The following CATSPERD variants were observed in gnomAD, a reference collection of about 807,000 sequenced individuals.
The protein encoded by CATSPERD is cation channel sperm-associated auxiliary subunit delta.
CATSPERD carries 86 observed loss-of-function variants against 98.1 expected under a neutral mutation model. The observed-to-expected ratio is 0.88, with a 90% confidence interval of 0.74 to 1.05. CATSPERD has a LOEUF of 1.05. CATSPERD is among the 50% of genes least tolerant of loss of function. The pLI is 0.00. For missense variants in CATSPERD, 995 were observed against 1,005.7 expected (o/e 0.99, Z 0.14); for synonymous variants, 394 against 390.2 (o/e 1.01, Z -0.12).
Position 5,727,299 on chromosome 19 carries a change from G to T in CATSPERD, c.158G>T (p.Arg53Leu), listed in dbSNP as rs775178619. ...CTGTATTTTCATCCTACAACAACAC[G>T]CTTGATTAAACATCCTTGCGAGAAA... ...DRLYFHPTTT[R>L]LIKHPCEKNI... is the part of the protein sequence containing the mutation. Residue 53 changes from arginine (R) to leucine (L), a missense_variant, in exon 3 of 22, where the codon CGC becomes CTC. Arg to Leu is a moderately radical substitution (Grantham distance 102). Around this residue, in one of 3 missense-constraint regions of CATSPERD, gnomAD observed 228 missense variants for 209.6 expected, o/e 1.09. Coordinates refer to ENST00000381624, the MANE Select transcript of CATSPERD (RefSeq NM_152784.4). 1.9e-6 allele frequency: 3 copies of T among 1,613,628 alleles called. No individual in the cohort carries two copies. The highest frequency in any genetic ancestry group is 2.5e-6 in the Non-Finnish European group (3 of 1,179,674).
Position 5,727,324 on chromosome 19 carries a change from A to T in CATSPERD, c.183A>T (p.Lys61Asn). 1 of 1,612,962 alleles carries T rather than the reference A, an allele frequency of 6.2e-7. No homozygotes were observed. Among genetic ancestry groups the T allele is most frequent in the Non-Finnish European group, 8.5e-7 (1 of 1,178,952 alleles). ...GCTTGATTAAACATCCTTGCGAGAAAAATATAGCACTATATCTAGGGTAAG... is the reference window on the plus strand; with the variant it reads ...GCTTGATTAAACATCCTTGCGAGAATAATATAGCACTATATCTAGGGTAAG... Reference protein sequence around the residue: ...TTRLIKHPCEKNIALYLGKQV... With the variant: ...TTRLIKHPCENNIALYLGKQV... The change falls in exon 3 of 22, where the codon AAA becomes AAT. Residue 61 changes from lysine to asparagine, a missense_variant. By Grantham distance (94) the Lys-to-Asn change is moderately conservative. Transcript: ENST00000381624.
chr19:5,762,058 A>ATT lies in CATSPERD; in HGVS notation c.1428-1135_1428-1134dup, dbSNP rs869295948. 3.1e-3 allele frequency among the ~76,000 whole-genome samples: 32 copies of ATT among 10,440 alleles called. 1 individual carries two copies. The highest frequency in any genetic ancestry group is 0.1 in the Middle Eastern group (1 of 10). 6.8% of individuals were successfully genotyped at this position (10,440 alleles called of 152,430 possible). A position where few individuals can be genotyped will look rare whatever the true frequency, so the allele number is the denominator to read the frequency against. ...TGGCCTGCCATATATATATATATAT[A>ATT]TTTTTTTTTTTTTTTTTTTTTTTGA... On this transcript the variant is annotated intron_variant, in intron 15 of 21. Transcript: ENST00000381624.
At position 5,748,163 on chromosome 19, in the gene CATSPERD, A is replaced by G. The variant is rs2056131650; in HGVS notation, c.812A>G (p.Gln271Arg). ...CACCTGTCCTGTTACCTCCTAGGTC[A>G]GCTCGTCGACACCGTCCGGGTGAAA... is the stretch of plus-strand genomic sequence containing the variant. ...NSLLFSHNAGQLVDTVRVKKG... is the reference protein window; with the variant it reads ...NSLLFSHNAGRLVDTVRVKKG... Residue 271 changes from glutamine to arginine, a missense_variant, in exon 10 of 22, where the codon CAG (glutamine) becomes CGG (arginine). Gln to Arg is a conservative substitution (Grantham distance 43). Transcript: ENST00000381624. 2 of 1,613,724 alleles carry G rather than the reference A, an allele frequency of 1.2e-6. No individual in the cohort carries two copies. Among genetic ancestry groups the G allele is most frequent in the African/African-American group, 1.3e-5 (1 of 74,898 alleles).
chr19:5,760,357 C>G (rs1283586840), intron 15 of CATSPERD, among the ~76,000 whole-genome samples: 2 of 151,098 alleles, frequency 1.3e-5, no homozygotes, highest in Non-Finnish European at 2.9e-5. Flanking sequence ...CGAGATTGCG[C>G]CACTGAACTC....
At position 5,733,434 on chromosome 19, in the gene CATSPERD, T is replaced by C. The variant is rs534989837; in HGVS notation, c.277-422T>C. Among the ~76,000 whole-genome samples, 191 of 137,184 alleles carry C rather than the reference T, an allele frequency of 1.4e-3. 1 individual carries two copies. Among genetic ancestry groups the C allele is most frequent in the African/African-American group, 5.6e-3 (184 of 32,700 alleles). 90.0% of individuals were successfully genotyped at this position (137,184 alleles called of 152,430 possible). On this transcript the variant is annotated intron_variant, in intron 4 of 21. Transcript: ENST00000381624. ...CCTTCCTTCCTTCCTTCCTTCCTCC[T>C]TTCTTTCTTTCTTTCTCTCTCTCTC...
intron 3 of CATSPERD, among the ~76,000 whole-genome samples, chr19:5,728,391 G>T (rs1046683839): frequency 4.1e-5 from 6 of 144,998 alleles, no homozygotes; most frequent in Non-Finnish European, 9.1e-5. Context: ...GAAAAGAAAA[G>T]AAAGAAAAAG....
At chr19:5,751,530 TCAAAAAAAAAAAAAA>T (rs1568358371) in intron 11 of CATSPERD, 102 bp from the exon 12 acceptor site, 1 of 481,870 alleles carries the variant, frequency 2.1e-6, no homozygotes, top group African/African-American at 7.3e-5. Flanking sequence ...TGAGACTCCA[TCAAAAAAAAAAAAAA>T]AAAAAAAAAA....
At chr19:5,753,343 A>G (rs1373735736) in intron 12 of CATSPERD, among the ~76,000 whole-genome samples, 3 of 151,704 alleles carry the variant, frequency 2.0e-5, no homozygotes, top group South Asian at 4.2e-4. Flanking sequence ...GGTGGATCAC[A>G]AGGTCAGGAG....
intron 6 of CATSPERD, among the ~76,000 whole-genome samples, chr19:5,737,609 T>C (rs992920246): frequency 6.8e-6 from 1 of 147,382 alleles, no homozygotes; most frequent in African/African-American, 2.5e-5. Flanking sequence ...TCTAGCATTT[T>C]GGGAGGCCGA....
chr19:5,778,112 CAGG>C (rs2056765324), intron 21 of CATSPERD, among the ~76,000 whole-genome samples: 1 of 148,980 alleles, frequency 6.7e-6, no homozygotes, highest in Non-Finnish European at 1.5e-5. Context: ...GAGGCTGAGG[CAGG>C]AGAATTGCTT....
intron 13 of CATSPERD, 129 bp downstream of exon 13, chr19:5,754,374 A>G: frequency 1.7e-6 from 1 of 578,354 alleles, no homozygotes; most frequent in South Asian, 2.1e-5. Flanking sequence ...ACAATTCTGC[A>G]TAGAAATTGT....
chr19:5,766,794 G>A (rs2145844109), intron 17 of CATSPERD, among the ~76,000 whole-genome samples: 1 of 151,324 alleles, frequency 6.6e-6, no homozygotes, highest in South Asian at 2.1e-4. Flanking sequence ...CCAGGTTCAA[G>A]TGATTCTCCT....
chr19:5,774,904 C>T (rs920895670), intron 20 of CATSPERD, among the ~76,000 whole-genome samples: 2 of 151,982 alleles, frequency 1.3e-5, no homozygotes, highest in Non-Finnish European at 2.9e-5. Flanking sequence ...GTAGTTCCCG[C>T]TACTTGGAAA....
intron 11 of CATSPERD, 124 bp downstream of exon 11, chr19:5,749,307 C>G (rs2056158990): frequency 1.9e-6 from 1 of 518,684 alleles, no homozygotes; most frequent in East Asian, 4.7e-5. Context: ...GCCTTGCCAA[C>G]ATGGTGAAAC....
rs115696282 is a variant in CATSPERD, at chr19:5,772,878, G to A, written c.1854G>A (p.Thr618=). Residue 618 remains threonine, a synonymous_variant, in exon 20 of 22, where the codon ACG becomes ACA. Coordinates refer to ENST00000381624, the MANE Select transcript of CATSPERD (RefSeq NM_152784.4). The part of the protein sequence containing the change: ...NGQFSYSYSL[T]AQSAMCTSQP... ...AGTTCTCATACTCCTATTCCCTGACGGCCCAGTCGGCCATGTGTACCTCCC... is the reference window on the plus strand; with the variant it reads ...AGTTCTCATACTCCTATTCCCTGACAGCCCAGTCGGCCATGTGTACCTCCC... The A allele has an allele frequency of 3.1e-6, 5 of 1,614,008 alleles. No individual in the cohort carries two copies. The highest frequency in any genetic ancestry group is 2.7e-5 in the African/African-American group (2 of 74,994).
chr19:5,746,069 C>A lies in CATSPERD; in HGVS notation c.808+6C>A. ...GTTGTTTTCCCATAATGCAGGTGAG[C>A]CCAGGGGCCCAGGGTGGGGCTGCCG... On this transcript the variant is annotated splice_donor_region_variant and intron_variant, in intron 9 of 21. Coordinates refer to ENST00000381624, the MANE Select transcript of CATSPERD (RefSeq NM_152784.4). 2 of 1,612,742 alleles carry A rather than the reference C, an allele frequency of 1.2e-6. No individual in the cohort carries two copies. Among genetic ancestry groups the A allele is most frequent in the Non-Finnish European group, 1.7e-6 (2 of 1,179,856 alleles).
intron 5 of CATSPERD, among the ~76,000 whole-genome samples, chr19:5,735,523 A>T (rs1237834847): frequency 1.4e-5 from 2 of 139,776 alleles, no homozygotes; most frequent in African/African-American, 5.5e-5. Flanking sequence ...ACTAGGATGG[A>T]GTGCAGTGGC....
At chr19:5,745,384 C>T (rs181760970) in intron 8 of CATSPERD, among the ~76,000 whole-genome samples, 42 of 151,758 alleles carry the variant, frequency 2.8e-4, no homozygotes, top group Middle Eastern at 3.4e-3. Flanking sequence ...TTTGGAAGTC[C>T]GAGGCGGGCA....
intron 13 of CATSPERD, among the ~76,000 whole-genome samples, chr19:5,754,487 C>T (rs934182702): frequency 6.7e-6 from 1 of 149,962 alleles, no homozygotes; most frequent in African/African-American, 2.4e-5. Flanking sequence ...CAGCCTCCAC[C>T]TCCTGGGCTC....
Sources: gnomAD v4.1 joint callset for allele counts (sites outside exome capture counted in the v4.1 genomes callset) on GRCh38, gnomAD v4.1.1 for gene constraint, gnomAD v4.1.1 regional missense constraint, MANE v1.5 for transcripts, NCBI Gene and HGNC (gene_info 2026-07-23, HGNC 2026-07-21) for gene names.